The following EBF1 variants were observed in gnomAD, a reference collection of about 807,000 sequenced individuals.
EBF1 encodes transcription factor COE1.
In EBF1, 10 loss-of-function variants were observed where a neutral mutation model predicts 68.4. The observed-to-expected ratio is 0.15, with a 90% confidence interval of 0.09 to 0.25. The LOEUF (loss-of-function observed/expected upper bound fraction) is 0.25, where lower values mean the gene tolerates loss of function less well. Ranked by LOEUF, EBF1 falls within the 10% of genes least tolerant of loss-of-function variation. The pLI is 1.00. For missense variants in EBF1, 509 were observed against 794.4 expected, an observed-to-expected ratio of 0.64 and a Z score of 4.32; for synonymous variants, 298 against 299.8, an observed-to-expected ratio of 0.99 and a Z score of 0.06.
chr5:158,826,068 C>G (rs898943106), intron 7 of EBF1, among the ~76,000 whole-genome samples: 1 of 152,236 alleles, frequency 6.6e-6, no homozygotes, highest in Admixed American at 6.5e-5. Context: ...AGGGGACAGA[C>G]AAGCCTGCCA....
chr5:158,824,065 A>T (rs973406321), intron 7 of EBF1, among the ~76,000 whole-genome samples: 1 of 152,230 alleles, frequency 6.6e-6, no homozygotes. Flanking sequence ...ACTTTGACTA[A>T]AACAATGAGA....
intron 6 of EBF1, among the ~76,000 whole-genome samples, chr5:158,951,499 T>C (rs1815967349): frequency 1.3e-5 from 2 of 152,204 alleles, no homozygotes; most frequent in Admixed American, 1.3e-4. Context: ...ACACGGAGTA[T>C]GCTAATTCCC....
chr5:158,751,288 G>A (rs372540274), intron 10 of EBF1, among the ~76,000 whole-genome samples: 23 of 151,688 alleles, frequency 1.5e-4, no homozygotes, highest in African/African-American at 5.1e-4. Context: ...TTAGAGAGAC[G>A]GGCGAATGAA....
intron 10 of EBF1, among the ~76,000 whole-genome samples, chr5:158,776,985 C>T (rs1775425557): frequency 6.6e-6 from 1 of 152,142 alleles, no homozygotes; most frequent in South Asian, 2.1e-4. Context: ...GGCACCAACC[C>T]AGAATTAAAT....
chr5:158,920,477 T>C (rs1419518598), intron 6 of EBF1, among the ~76,000 whole-genome samples: 2 of 152,238 alleles, frequency 1.3e-5, no homozygotes, highest in Non-Finnish European at 2.9e-5. Flanking sequence ...CTCTGCTTTG[T>C]ACCTACTGGA....
chr5:158,772,958 G>A (rs1774193042), intron 10 of EBF1, among the ~76,000 whole-genome samples: 1 of 152,082 alleles, frequency 6.6e-6, no homozygotes, highest in Non-Finnish European at 1.5e-5. Context: ...GTGGTTTAGA[G>A]GCATCATATG....
chr5:159,032,981 C>G (rs1769231475), intron 6 of EBF1, among the ~76,000 whole-genome samples: 1 of 152,124 alleles, frequency 6.6e-6, no homozygotes, highest in Non-Finnish European at 1.5e-5. Flanking sequence ...TTTCCCTCCT[C>G]TACCTTCTCC....
intron 6 of EBF1, among the ~76,000 whole-genome samples, chr5:158,982,236 A>G (rs1419281413): frequency 2.0e-5 from 3 of 152,272 alleles, no homozygotes; most frequent in Non-Finnish European, 4.4e-5. Flanking sequence ...GAGCTAATGA[A>G]TGTAAATCAT....
At chr5:158,882,345 C>A (rs537907819) in intron 6 of EBF1, among the ~76,000 whole-genome samples, 2 of 152,136 alleles carry the variant, frequency 1.3e-5, no homozygotes, top group Non-Finnish European at 2.9e-5. Flanking sequence ...TGCAAGCATG[C>A]GAATGTCATG....
At chr5:158,885,602 T>G (rs1799889145) in intron 6 of EBF1, among the ~76,000 whole-genome samples, 1 of 152,156 alleles carries the variant, frequency 6.6e-6, no homozygotes, top group Non-Finnish European at 1.5e-5. Flanking sequence ...ATTGAGCACC[T>G]GCTATGGGCC....
chr5:158,741,378 C>G (rs1028951992), intron 10 of EBF1, among the ~76,000 whole-genome samples: 3 of 152,024 alleles, frequency 2.0e-5, no homozygotes, highest in African/African-American at 7.2e-5. Flanking sequence ...AGTTTGAAAC[C>G]AGCCTGGTCA....
chr5:158,743,465 G>A (rs905809435), intron 10 of EBF1, among the ~76,000 whole-genome samples: 14 of 152,164 alleles, frequency 9.2e-5, no homozygotes, highest in African/African-American at 2.9e-4. Context: ...AGAGCAAGGA[G>A]TCATTTAAGA....
rs10060147 is a variant in EBF1, at chr5:158,760,414, G to A, written c.1036+16999C>T. Among the ~76,000 whole-genome samples, 1,483 of 152,070 alleles carry A rather than the reference G, an allele frequency of 9.8e-3. 32 individuals are homozygous for A. The highest frequency in any genetic ancestry group is 0.033 in the African/African-American group (1,368 of 41,470). On this transcript the variant is annotated intron_variant, in intron 10 of 15. Transcript: ENST00000313708. Reference sequence around the variant, plus strand: ...ATTATATAAGATGAAGATCTGTTCGGCCCCTAAATGAACCACACAACATAG... The same window carrying A: ...ATTATATAAGATGAAGATCTGTTCGACCCCTAAATGAACCACACAACATAG...
chr5:158,914,399 A>G (rs115582917), intron 6 of EBF1, among the ~76,000 whole-genome samples: 321 of 152,062 alleles, frequency 2.1e-3, no homozygotes, highest in African/African-American at 7.5e-3. Context: ...TTTTCACTGG[A>G]GGGGAAAGGT....
At position 158,833,915 on chromosome 5, in the gene EBF1, C is replaced by A. The variant is rs10037335; in HGVS notation, c.636+6114G>T. ...ATCATGATAGACTCACCACTTAGCA[C>A]TTCAATAAATATTACTGAATGCACG... On this transcript the variant is annotated intron_variant, in intron 7 of 15. Transcript: ENST00000313708. Among the ~76,000 whole-genome samples, 1,302 of 152,326 alleles carry A rather than the reference C, an allele frequency of 8.5e-3. 27 individuals carry two copies. The highest frequency in any genetic ancestry group is 0.03 in the African/African-American group (1,234 of 41,558).
At chr5:158,720,696 C>G (rs1761757106) in intron 11 of EBF1, among the ~76,000 whole-genome samples, 1 of 152,136 alleles carries the variant, frequency 6.6e-6, no homozygotes. Context: ...TGAGAAGAGT[C>G]ACTTACATTT....
intron 6 of EBF1, among the ~76,000 whole-genome samples, chr5:158,981,411 T>C (rs1757876850): frequency 6.6e-6 from 1 of 152,230 alleles, no homozygotes; most frequent in African/African-American, 2.4e-5. Flanking sequence ...TTTTTACCTA[T>C]TCTAATTTAA....
chr5:158,898,583 T>C (rs1381821016), intron 6 of EBF1, among the ~76,000 whole-genome samples: 1 of 152,230 alleles, frequency 6.6e-6, no homozygotes, highest in Admixed American at 6.5e-5. Context: ...CTGAGAAATA[T>C]AGAAAACAAT....
At position 158,748,902 on chromosome 5, in the gene EBF1, A is replaced by AG. The variant is rs34774043; in HGVS notation, c.1037-17746dup. Among the ~76,000 whole-genome samples the AG allele has an allele frequency of 9.9e-5, 15 of 152,218 alleles. 1 individual carries two copies. In the South Asian group the frequency reaches 3.1e-3, roughly 32 times the overall value. ...AAAAGGATGGTATAATGATCAAAGGAGGGGGGAAGAAAACTAATTGCAGAT... is the reference window on the plus strand; with the variant it reads ...AAAAGGATGGTATAATGATCAAAGGAGGGGGGGAAGAAAACTAATTGCAGAT... On this transcript the variant is annotated intron_variant, in intron 10 of 15. Transcript: ENST00000313708.
Sources: gnomAD v4.1 joint callset for allele counts (sites outside exome capture counted in the v4.1 genomes callset) on GRCh38, gnomAD v4.1.1 for gene constraint, MANE v1.5 for transcripts, NCBI Gene and HGNC (gene_info 2026-07-23, HGNC 2026-07-21) for gene names.